SLITRK3: variants seen among roughly 807,000 people sequenced by gnomAD.
SLITRK3 encodes SLIT and NTRK-like protein 3.
In SLITRK3, 16 loss-of-function variants were observed where a neutral mutation model predicts 63.6. The observed-to-expected ratio is 0.25, with a 90% CI of 0.17 to 0.38. The LOEUF is 0.38. Among genes scored for constraint, SLITRK3 ranks in the 10% least tolerant of loss-of-function variants. SLITRK3 has a pLI of 1.00. For synonymous variants in SLITRK3, 547 were observed against 451.6 expected (o/e 1.21, Z -2.68); for missense variants, 1,117 against 1,181.4 (o/e 0.95, Z 0.80).
At position 165,189,995 on chromosome 3, in the gene SLITRK3, T is replaced by A; in HGVS notation, c.836A>T (p.Glu279Val). The change falls in exon 2 of 2, where the codon GAA becomes GTA. Residue 279 changes from glutamate (E) to valine (V), a missense_variant. Around this residue, in one of 4 missense-constraint regions of SLITRK3, gnomAD observed 452 missense variants for 495.3 expected, o/e 0.91. Transcript: ENST00000475390. This position sits in a 1 kb window ranked among gnomAD's most constrained non-coding sequence, Gnocchi z 4.0. The stretch of plus-strand genomic sequence containing the variant: ...AGAGTCAGACAACAAGGGACAGAGT[T>A]CTGTCTTCCTGATTTCTCGTAGGTC... ...GKDLREIRKT[E>V]LCPLLSDSEV... The A allele has an allele frequency of 1.2e-6, 2 of 1,614,170 alleles. No homozygotes were observed. Among genetic ancestry groups the A allele is most frequent in the Non-Finnish European group, 1.7e-6 (2 of 1,180,030 alleles).
chr3:165,190,824 G>A lies in SLITRK3; in HGVS notation c.7C>T (p.Pro3Ser), dbSNP rs748449194. Residue 3 changes from proline to serine, a missense_variant, in exon 2 of 2, where the codon CCT (proline) becomes TCT (serine). Physicochemically the swap from Pro to Ser is moderately conservative, Grantham distance 74. This residue lies in a region of SLITRK3 where 452 missense variants were observed against 495.3 expected (regional missense o/e 0.91). Transcript: ENST00000475390. ...CTGTGAAGCATCTCAGCTATGGAAG[G>A]TTTCATCGTTCGTGGTTGATTACAA... is the stretch of plus-strand genomic sequence containing the variant. MK[P>S]SIAEMLHRGR... 2.5e-6 allele frequency: 4 copies of A among 1,572,810 alleles called. No homozygotes were observed. Among genetic ancestry groups the A allele is most frequent in the South Asian group, 2.3e-5 (2 of 85,624 alleles).
intron 1 of SLITRK3, among the ~76,000 whole-genome samples, chr3:165,194,318 A>G (rs555095021): frequency 6.6e-6 from 1 of 152,294 alleles, no homozygotes; most frequent in South Asian, 2.1e-4. Flanking sequence ...TTACTGCTCT[A>G]AAACAGGTAA....
chr3:165,192,509 G>A (rs1718268062), intron 1 of SLITRK3, among the ~76,000 whole-genome samples: 1 of 150,768 alleles, frequency 6.6e-6, no homozygotes. Flanking sequence ...TTTTGCCAGA[G>A]TTTTTTTGGG....
rs1576968385 is a variant in SLITRK3 at position 165,188,630 on chromosome 3, G to C, written c.2201C>G (p.Pro734Arg). The part of the protein sequence containing the change: ...RPTLSSPEKA[P>R]PVGHVYEYIP... ...GTACTCATACACATGACCCACGGGA[G>C]GGGCCTTCTCTGGAGAGGAAAGAGT... Residue 734 changes from proline to arginine, a missense_variant, in exon 2 of 2, where the codon CCT becomes CGT. Pro to Arg is a moderately radical substitution (Grantham distance 103). Coordinates refer to ENST00000475390, the MANE Select transcript of SLITRK3 (RefSeq NM_001318810.2). The C allele has an allele frequency of 6.2e-7, 1 of 1,613,874 alleles. No homozygotes were observed.
chr3:165,190,076 T>A lies in SLITRK3; in HGVS notation c.755A>T (p.Tyr252Phe). Reference sequence around the variant, plus strand: ...GGTAATGTCTCCCACCAGGGCAGTATAAGGAATGCGTTCCAGCCAACTCTT... The same window carrying A: ...GGTAATGTCTCCCACCAGGGCAGTAAAAGGAATGCGTTCCAGCCAACTCTT... ...QLKSWLERIP[Y>F]TALVGDITCE... is the part of the protein sequence containing the mutation. Residue 252 changes from tyrosine to phenylalanine, a missense_variant, in exon 2 of 2, where the codon TAT (tyrosine) becomes TTT (phenylalanine). Tyr to Phe is a conservative substitution (Grantham distance 22). Coordinates refer to ENST00000475390, the MANE Select transcript of SLITRK3 (RefSeq NM_001318810.2). The A allele has an allele frequency of 6.2e-7, 1 of 1,614,152 alleles. No individual in the cohort carries two copies. Among genetic ancestry groups the A allele is most frequent in the Non-Finnish European group, 8.5e-7 (1 of 1,180,026 alleles).
Position 165,189,383 on chromosome 3 carries a change from T to A in SLITRK3, c.1448A>T (p.His483Leu). Residue 483 changes from histidine to leucine, a missense_variant, in exon 2 of 2, where the codon CAC (histidine) becomes CTC (leucine). Physicochemically the swap from His to Leu is moderately conservative, Grantham distance 99. Coordinates refer to ENST00000475390, the MANE Select transcript of SLITRK3 (RefSeq NM_001318810.2). This position sits in a 1 kb window ranked among gnomAD's most constrained non-coding sequence, Gnocchi z 4.0. ...GACATTGAACTCAAAGTACAAGTAG[T>A]GCAAACTCTGTAGGCCTCGGAACAT... ...PGMFRGLQSLHYLYFEFNVIR... is the reference protein window; with the variant it reads ...PGMFRGLQSLLYLYFEFNVIR... The A allele has an allele frequency of 1.2e-6, 2 of 1,614,028 alleles. No individual in the cohort carries two copies. Among genetic ancestry groups the A allele is most frequent in the Non-Finnish European group, 1.7e-6 (2 of 1,180,028 alleles).
chr3:165,189,492 C>T lies in SLITRK3; in HGVS notation c.1339G>A (p.Val447Ile), dbSNP rs1276972947. The T allele has an allele frequency of 5.0e-6, 8 of 1,613,566 alleles. No individual in the cohort carries two copies. In the East Asian group the frequency reaches 1.1e-4, roughly 22 times the overall value. The change falls in exon 2 of 2, where the codon GTC becomes ATC. Residue 447 changes from valine to isoleucine, a missense_variant. Val to Ile is a conservative substitution (Grantham distance 29). This residue lies in a region of SLITRK3 where 158 missense variants were observed against 197.2 expected (regional missense o/e 0.80). Coordinates refer to ENST00000475390, the MANE Select transcript of SLITRK3 (RefSeq NM_001318810.2). The surrounding 1 kb of genome is among the most constrained non-coding windows in gnomAD (Gnocchi z 4.0). The part of the protein sequence containing the change: ...LHLGNNRISY[V>I]QDGAFINLPN... The stretch of plus-strand genomic sequence containing the variant: ...AAGTTGATAAAGGCCCCATCTTGGA[C>T]ATAGGAAATACGATTGTTCCCCAGA...
rs182135534 is a variant in SLITRK3, at chr3:165,192,794, G to T, written c.-21-1943C>A. ...ACTGCCGCTTGGCACACTCAGTAGAGGAGGGAGGAGAAGGGGCTGCAGCAG... is the reference window on the plus strand; with the variant it reads ...ACTGCCGCTTGGCACACTCAGTAGATGAGGGAGGAGAAGGGGCTGCAGCAG... On this transcript the variant is annotated intron_variant, in intron 1 of 1. Transcript: ENST00000475390. Among the ~76,000 whole-genome samples, 9 of 152,144 alleles carry T rather than the reference G, an allele frequency of 5.9e-5. No individual in the cohort carries two copies. The East Asian group carries it at 1.2e-3, about 20-fold the overall frequency.
chr3:165,189,783 C>T lies in SLITRK3; in HGVS notation c.1048G>A (p.Ala350Thr), dbSNP rs368933638. The stretch of plus-strand genomic sequence containing the variant: ...GGCTGGTTTGGACCAGGATATAAAG[C>T]TTGGGAGGTGGAGGGTGGCCTTGGT... ...RTPRPPSTSQ[A>T]LYPGPNQPPI... The change falls in exon 2 of 2, where the codon GCT (alanine) becomes ACT (threonine). Residue 350 changes from alanine (A) to threonine (T), a missense_variant. Physicochemically the swap from Ala to Thr is moderately conservative, Grantham distance 58. This residue lies in a region of SLITRK3 where 452 missense variants were observed against 495.3 expected (regional missense o/e 0.91). Transcript: ENST00000475390. The surrounding 1 kb of genome is among the most constrained non-coding windows in gnomAD (Gnocchi z 4.0). The T allele has an allele frequency of 6.2e-6, 10 of 1,613,952 alleles. No homozygotes were observed. In the South Asian group the frequency reaches 7.7e-5, roughly 12 times the overall value.
In SLITRK3 at chr3:165,195,589, A is replaced by C. The variant is rs1219415362; in HGVS notation, c.-31T>G. On this transcript the variant is annotated 5_prime_UTR_variant, in exon 1 of 2. Coordinates refer to ENST00000475390, the MANE Select transcript of SLITRK3 (RefSeq NM_001318810.2). ...GGATGGCGGCGAGTACCTATGGTGCAGAGCGCTCAGGATCTCCGAGGTTTG... is the reference window on the plus strand; with the variant it reads ...GGATGGCGGCGAGTACCTATGGTGCCGAGCGCTCAGGATCTCCGAGGTTTG... 1 of 152,382 alleles carries C rather than the reference A, an allele frequency of 6.6e-6. No homozygotes were observed. Among genetic ancestry groups the C allele is most frequent in the Non-Finnish European group, 1.5e-5 (1 of 68,128 alleles). The allele number at this position is 152,382 out of a possible 1,614,324, so 9.4% of individuals were successfully genotyped here.
Position 165,188,356 on chromosome 3 carries a change from G to A in SLITRK3, c.2475C>T (p.Ser825=), listed in dbSNP as rs948116210. ...EKEWALAVSS[S]QLNTIVTVNH... is the part of the protein sequence containing the mutation. ...TCACCGTCACTATGGTGTTAAGCTG[G>A]GAGCTGGACACTGCTAGGGCCCACT... Residue 825 remains serine, a synonymous_variant, in exon 2 of 2, where the codon TCC becomes TCT. Coordinates refer to ENST00000475390, the MANE Select transcript of SLITRK3 (RefSeq NM_001318810.2). 1.2e-6 allele frequency: 2 copies of A among 1,613,852 alleles called. No individual in the cohort carries two copies. The highest frequency in any genetic ancestry group is 1.7e-5 in the Admixed American group (1 of 59,972).
rs768301690 is a variant in SLITRK3, at chr3:165,188,962, G to A, written c.1869C>T (p.Ser623=). The change falls in exon 2 of 2, where the codon TCC becomes TCT. Residue 623 remains serine (S), a synonymous_variant. Coordinates refer to ENST00000475390, the MANE Select transcript of SLITRK3 (RefSeq NM_001318810.2). The stretch of plus-strand genomic sequence containing the variant: ...GGTGAGAATCTCCAGGCTGGGCTGG[G>A]GATTCTCCAGCTGGTGCAACGTGCA... ...EMLHVAPAGE[S]PAQPGDSHLI... 1.2e-6 allele frequency: 2 copies of A among 1,614,130 alleles called. No individual in the cohort carries two copies. The highest frequency in any genetic ancestry group is 4.5e-5 in the East Asian group (2 of 44,868).
Position 165,189,071 on chromosome 3 carries a change from C to T in SLITRK3, c.1760G>A (p.Gly587Asp). The T allele has an allele frequency of 1.9e-6, 3 of 1,614,190 alleles. No individual in the cohort carries two copies. The highest frequency in any genetic ancestry group is 1.7e-6 in the Non-Finnish European group (2 of 1,180,044). The change falls in exon 2 of 2, where the codon GGT (glycine) becomes GAT (aspartate). Residue 587 changes from glycine to aspartate, a missense_variant. By Grantham distance (94) the Gly-to-Asp change is moderately conservative. This residue lies in a region of SLITRK3 where 158 missense variants were observed against 197.2 expected (regional missense o/e 0.80). Coordinates refer to ENST00000475390, the MANE Select transcript of SLITRK3 (RefSeq NM_001318810.2). The surrounding 1 kb of genome is among the most constrained non-coding windows in gnomAD (Gnocchi z 4.0). ...CTCAGGGCTCCTGCAAAGCACATCA[C>T]CAACCACACTGACTGAGCTGATGGT... ...IETISSVSVV[G>D]DVLCRSPENL... is the part of the protein sequence containing the mutation.
chr3:165,191,479 C>A (rs2108209494), intron 1 of SLITRK3, among the ~76,000 whole-genome samples: 1 of 152,304 alleles, frequency 6.6e-6, no homozygotes, highest in South Asian at 2.1e-4. Flanking sequence ...TGCTTTATTA[C>A]AGTGTATAGT....
In SLITRK3 at chr3:165,189,390, T is replaced by G; in HGVS notation, c.1441A>C (p.Ser481Arg). 6.2e-7 allele frequency: 1 copy of G among 1,613,852 alleles called. No individual in the cohort carries two copies. Among genetic ancestry groups the G allele is most frequent in the Non-Finnish European group, 8.5e-7 (1 of 1,180,026 alleles). ...LTPGMFRGLQ[S>R]LHYLYFEFNV... Reference sequence around the variant, plus strand: ...AACTCAAAGTACAAGTAGTGCAAACTCTGTAGGCCTCGGAACATGCCTGGT... The same window carrying G: ...AACTCAAAGTACAAGTAGTGCAAACGCTGTAGGCCTCGGAACATGCCTGGT... Residue 481 changes from serine (S) to arginine (R), a missense_variant, in exon 2 of 2, where the codon AGT (serine) becomes CGT (arginine). Ser to Arg is a moderately radical substitution (Grantham distance 110). Transcript: ENST00000475390. The surrounding 1 kb of genome is among the most constrained non-coding windows in gnomAD (Gnocchi z 4.0).
rs754409997 is a variant in SLITRK3, at chr3:165,190,086, G to A, written c.745C>T (p.Arg249Cys). The A allele has an allele frequency of 2.2e-5, 35 of 1,614,006 alleles. No homozygotes were observed. The highest frequency in any genetic ancestry group is 2.0e-4 in the East Asian group (9 of 44,884). Reference sequence around the variant, plus strand: ...CCCACCAGGGCAGTATAAGGAATGCGTTCCAGCCAACTCTTCAGTTGTACA... The same window carrying A: ...CCCACCAGGGCAGTATAAGGAATGCATTCCAGCCAACTCTTCAGTTGTACA... Reference protein sequence around the residue: ...EIVQLKSWLERIPYTALVGDI... With the variant: ...EIVQLKSWLECIPYTALVGDI... Residue 249 changes from arginine to cysteine, a missense_variant, in exon 2 of 2, where the codon CGC (arginine) becomes TGC (cysteine). Physicochemically the swap from Arg to Cys is radical, Grantham distance 180. Around this residue, in one of 4 missense-constraint regions of SLITRK3, gnomAD observed 452 missense variants for 495.3 expected, o/e 0.91. Transcript: ENST00000475390.
rs1183643230 is a variant in SLITRK3, at chr3:165,189,316, G to T, written c.1515C>A (p.Asn505Lys). The change falls in exon 2 of 2, where the codon AAC becomes AAA. Residue 505 changes from asparagine to lysine, a missense_variant. Physicochemically the swap from Asn to Lys is moderately conservative, Grantham distance 94 (BLOSUM62 0). Coordinates refer to ENST00000475390, the MANE Select transcript of SLITRK3 (RefSeq NM_001318810.2). The surrounding 1 kb of genome is among the most constrained non-coding windows in gnomAD (Gnocchi z 4.0). ...TATTATTGAGGAATAGCAGCTTCAAGTTGGGCATGAGGCTGAAGGCTGCAG... is the reference window on the plus strand; with the variant it reads ...TATTATTGAGGAATAGCAGCTTCAATTTGGGCATGAGGCTGAAGGCTGCAG... ...IQPAAFSLMP[N>K]LKLLFLNNNL... 3 of 1,614,218 alleles carry T rather than the reference G, an allele frequency of 1.9e-6. No homozygotes were observed. Among genetic ancestry groups the T allele is most frequent in the Admixed American group, 1.7e-5 (1 of 60,022 alleles).
At chr3:165,194,745 A>G (rs1718359514) in intron 1 of SLITRK3, among the ~76,000 whole-genome samples, 1 of 152,214 alleles carries the variant, frequency 6.6e-6, no homozygotes, top group African/African-American at 2.4e-5. Flanking sequence ...CTGAGCTTCC[A>G]GATGACGGTA....
chr3:165,195,060 C>T (rs1471051090), intron 1 of SLITRK3, among the ~76,000 whole-genome samples: 1 of 151,974 alleles, frequency 6.6e-6, no homozygotes, highest in East Asian at 1.9e-4. Context: ...TTACAGCTCA[C>T]TAATTTTTTC....
Sources: allele counts gnomAD v4.1 joint callset (sites outside exome capture counted in the v4.1 genomes callset), GRCh38; gene constraint gnomAD v4.1.1; regional missense constraint gnomAD v4.1.1; non-coding constraint Gnocchi (gnomAD v3.1); transcripts MANE v1.5; gene names NCBI Gene and HGNC (gene_info 2026-07-23, HGNC 2026-07-21).